Variants in VPS37A observed in about 807,000 individuals in gnomAD.
The protein encoded by VPS37A is vacuolar protein sorting-associated protein 37A.
Under a neutral mutation model 49.8 loss-of-function variants are expected in VPS37A, and 30 were observed. The observed-to-expected ratio is 0.60, with a 90% CI of 0.45 to 0.82. The LOEUF (loss-of-function observed/expected upper bound fraction) is 0.82. Among genes scored for constraint, VPS37A ranks in the 40% least tolerant of loss-of-function variants. The pLI, the probability that VPS37A is intolerant of heterozygous loss-of-function variation, is 0.00. For missense variants in VPS37A, 593 were observed against 464.4 expected, an observed-to-expected ratio of 1.28 and a Z score of -2.55; for synonymous variants, 195 against 160.6, an observed-to-expected ratio of 1.21 and a Z score of -1.62.
chr8:17,330,438 G>A, the VPS37A span, among the ~76,000 whole-genome samples: 2 of 152,334 alleles, frequency 1.3e-5, no homozygotes, highest in South Asian at 4.1e-4. Flanking sequence ...AGACTACAGC[G>A]ACAGATTCCT....
chr8:17,300,226 T>C (rs780876142), downstream of VPS37A: 1 of 1,596,504 alleles, frequency 6.3e-7, no homozygotes, highest in Non-Finnish European at 8.5e-7. Flanking sequence ...TTCCAGCCTC[T>C]AAGAAAGAAA....
intron 6 of VPS37A, among the ~76,000 whole-genome samples, chr8:17,278,491 A>G (rs149059809): frequency 3.0e-4 from 45 of 152,162 alleles, no homozygotes; most frequent in Admixed American, 9.8e-4. Context: ...TTGCTGCACT[A>G]TCTGTCTCCA....
intron 1 of VPS37A, among the ~76,000 whole-genome samples, chr8:17,258,165 G>T (rs1812649213): frequency 6.6e-6 from 1 of 151,944 alleles, no homozygotes; most frequent in Non-Finnish European, 1.5e-5. Flanking sequence ...AATTGCTCTG[G>T]CCAAGACTTC....
At position 17,265,731 on chromosome 8, in the gene VPS37A, A is replaced by T. The variant is rs192743486; in HGVS notation, c.126-176A>T. On this transcript the variant is annotated intron_variant, in intron 1 of 11. Coordinates refer to ENST00000324849, the MANE Select transcript of VPS37A (RefSeq NM_152415.3). ...TAGAATGTTACTGTGTGCTTAGATG[A>T]TGAGCCTTTCTAACTATGATCATTT... is the stretch of plus-strand genomic sequence containing the variant. 3 of 1,504,818 alleles carry T rather than the reference A, an allele frequency of 2.0e-6. No homozygotes were observed. The East Asian group carries it at 7.7e-5, about 39-fold the overall frequency. The allele number at this position is 1,504,818 out of a possible 1,614,324, so 93.2% of individuals were successfully genotyped here. A position where few individuals can be genotyped will look rare whatever the true frequency, so the allele number is the denominator to read the frequency against.
At chr8:17,310,520 A>G in the VPS37A span, among the ~76,000 whole-genome samples, 1 of 152,192 alleles carries the variant, frequency 6.6e-6, no homozygotes, top group Non-Finnish European at 1.5e-5. Context: ...GCCTAAGGGC[A>G]GTGTGTGACT....
intron 1 of VPS37A, among the ~76,000 whole-genome samples, chr8:17,255,504 G>A (rs1190165197): frequency 6.6e-6 from 1 of 151,910 alleles, no homozygotes. Context: ...GTGTGTGTGT[G>A]TGTGTATGTG....
Position 17,247,516 on chromosome 8 carries a change from C to G in VPS37A, c.125+147C>G, listed in dbSNP as rs190665316. 8.9e-5 allele frequency: 97 copies of G among 1,087,736 alleles called. No individual in the cohort carries two copies. In the East Asian group the frequency reaches 2.0e-3, roughly 23 times the overall value. 67.4% of individuals were successfully genotyped at this position (1,087,736 alleles called of 1,614,324 possible). On this transcript the variant is annotated intron_variant, in intron 1 of 11. Transcript: ENST00000324849. ...GGTTGTGGGTCACACGCTTGCTCTGCCACTCCTGCCCCCTTTTACTGTTTT... is the reference window on the plus strand; with the variant it reads ...GGTTGTGGGTCACACGCTTGCTCTGGCACTCCTGCCCCCTTTTACTGTTTT...
chr8:17,302,176 TC>T, downstream of VPS37A: 1 of 1,614,192 alleles, frequency 6.2e-7, no homozygotes, highest in Non-Finnish European at 8.5e-7. Flanking sequence ...CTCTAGTTCT[TC>T]CTCTAGCTGC....
chr8:17,252,050 T>C (rs1033084605), intron 1 of VPS37A, among the ~76,000 whole-genome samples: 3 of 152,272 alleles, frequency 2.0e-5, no homozygotes, highest in East Asian at 1.9e-4. Flanking sequence ...ACAAGAGATA[T>C]TGTAATGAAG....
the VPS37A span, among the ~76,000 whole-genome samples, chr8:17,321,034 T>G: frequency 6.6e-6 from 1 of 152,174 alleles, no homozygotes; most frequent in Admixed American, 6.5e-5. Flanking sequence ...TTTCCAGTTG[T>G]TATTATAGGG....
chr8:17,303,679 G>A (rs568237723), downstream of VPS37A, among the ~76,000 whole-genome samples: 2 of 150,478 alleles, frequency 1.3e-5, no homozygotes, highest in East Asian at 2.0e-4. Flanking sequence ...GCACGATCTC[G>A]GCTCACCGCA....
intron 1 of VPS37A, among the ~76,000 whole-genome samples, chr8:17,253,887 T>C (rs1585921148): frequency 1.3e-5 from 2 of 152,320 alleles, no homozygotes; most frequent in African/African-American, 4.8e-5. Flanking sequence ...ACAGCTATAG[T>C]ATGAAGGATT....
At chr8:17,262,573 ATGTG>A (rs139230717) in intron 1 of VPS37A, among the ~76,000 whole-genome samples, 59 of 147,440 alleles carry the variant, frequency 4.0e-4, no homozygotes, top group East Asian at 2.0e-3. Context: ...ACTTTAAAGT[ATGTG>A]TGTGTGTGTG....
the VPS37A span, among the ~76,000 whole-genome samples, chr8:17,315,742 T>C: frequency 6.6e-6 from 1 of 152,030 alleles, no homozygotes; most frequent in Non-Finnish European, 1.5e-5. Flanking sequence ...CTGGGCACAG[T>C]GCCTCACACC....
At chr8:17,317,282 C>G in the VPS37A span, among the ~76,000 whole-genome samples, 2 of 152,250 alleles carry the variant, frequency 1.3e-5, no homozygotes, top group African/African-American at 4.8e-5. Flanking sequence ...GCTTTCTTAG[C>G]TGCCAAGCTT....
Position 17,250,856 on chromosome 8 carries a change from T to A in VPS37A, c.125+3487T>A, listed in dbSNP as rs2904703. On this transcript the variant is annotated intron_variant, in intron 1 of 11. Coordinates refer to ENST00000324849, the MANE Select transcript of VPS37A (RefSeq NM_152415.3). ...ATGAGATAACTGTCATAGATGACAC[T>A]CACAGAAAAGTGTTTAACCAAAGTG... is the stretch of plus-strand genomic sequence containing the variant. Among the ~76,000 whole-genome samples the A allele has an allele frequency of 3.3e-5, 5 of 152,264 alleles. No individual in the cohort carries two copies. The South Asian group carries it at 6.2e-4, about 19-fold the overall frequency.
At chr8:17,323,249 C>G in the VPS37A span, among the ~76,000 whole-genome samples, 1 of 151,988 alleles carries the variant, frequency 6.6e-6, no homozygotes, top group African/African-American at 2.4e-5. Flanking sequence ...ACCCAGCCAA[C>G]AGAATTATCT....
At chr8:17,317,314 T>C in the VPS37A span, among the ~76,000 whole-genome samples, 1 of 152,342 alleles carries the variant, frequency 6.6e-6, no homozygotes, top group East Asian at 1.9e-4. Context: ...ATTTGGCCAA[T>C]GTAACATCTG....
rs200847352 is a variant in VPS37A, at chr8:17,276,436, C to G, written c.682C>G (p.Pro228Ala). 3.0e-5 allele frequency: 48 copies of G among 1,612,016 alleles called. No homozygotes were observed. The highest frequency in any genetic ancestry group is 4.0e-5 in the Non-Finnish European group (47 of 1,179,110). The change falls in exon 6 of 12, where the codon CCT becomes GCT. Residue 228 changes from proline (P) to alanine (A), a missense_variant. Coordinates refer to ENST00000324849, the MANE Select transcript of VPS37A (RefSeq NM_152415.3). ...TTTTGGGTACAAGATGCCAGATGTCCCTGATGCATTTCCAGAACTCTCAGA... is the reference window on the plus strand; with the variant it reads ...TTTTGGGTACAAGATGCCAGATGTCGCTGATGCATTTCCAGAACTCTCAGA... ...NGFGYKMPDV[P>A]DAFPELSELS...
Sources: gnomAD v4.1 joint callset for allele counts (sites outside exome capture counted in the v4.1 genomes callset) on GRCh38, gnomAD v4.1.1 for gene constraint, MANE v1.5 for transcripts, NCBI Gene and HGNC (gene_info 2026-07-23, HGNC 2026-07-21) for gene names.